The following MIGA1 variants were observed in gnomAD, a reference collection of about 807,000 sequenced individuals.
The protein encoded by MIGA1 is mitoguardin 1.
MIGA1 carries 58 observed loss-of-function variants against 82.0 expected under a neutral mutation model. The ratio of observed to expected loss-of-function variants is 0.71; its 90% CI spans 0.57 to 0.88. The LOEUF (loss-of-function observed/expected upper bound fraction) is 0.88, where lower values mean the gene tolerates loss of function less well. MIGA1 is among the 40% of genes least tolerant of loss of function. The pLI is 0.00. For synonymous variants in MIGA1, 249 were observed against 253.6 expected (o/e 0.98, Z 0.17); for missense variants, 751 against 749.1 (o/e 1.00, Z -0.03).
chr1:77,858,814 C>A, intron 8 of MIGA1, 124 bp from the exon 9 acceptor site: 1 of 606,902 alleles, frequency 1.6e-6, no homozygotes, highest in Non-Finnish European at 3.0e-6. Context: ...GAGACAGGGT[C>A]TTACCATGTT....
rs2101788709 is a variant in MIGA1 at position 77,811,046 on chromosome 1, A to G, written c.638-2688A>G. The G allele has an allele frequency of 5.0e-6, 8 of 1,613,500 alleles. No individual in the cohort carries two copies. In the African/African-American group the frequency reaches 5.3e-5, roughly 11 times the overall value. ...CTGGTAAACCTTTTTTTAGGCTTGTAGGGTTTGAATTCAAAGAAGATAGCT... is the reference window on the plus strand; with the variant it reads ...CTGGTAAACCTTTTTTTAGGCTTGTGGGGTTTGAATTCAAAGAAGATAGCT... On this transcript the variant is annotated intron_variant, in intron 5 of 15. Transcript: ENST00000370791.
At chr1:77,835,718 C>T (rs1444786525) in intron 7 of MIGA1, among the ~76,000 whole-genome samples, 2 of 152,112 alleles carry the variant, frequency 1.3e-5, no homozygotes, top group Admixed American at 6.5e-5. Flanking sequence ...GAGGTCAAGC[C>T]GGGTGGATCA....
intron 15 of MIGA1, among the ~76,000 whole-genome samples, 199 bp downstream of exon 15, chr1:77,873,319 C>T (rs533829943): frequency 6.6e-6 from 1 of 152,100 alleles, no homozygotes; most frequent in Non-Finnish European, 1.5e-5. Context: ...TATAATGGAC[C>T]AGTATTTTAT....
rs1469492405 is a variant in MIGA1 at position 77,855,343 on chromosome 1, CT to C, written c.997-3591del. On this transcript the variant is annotated intron_variant, in intron 8 of 15. Coordinates refer to ENST00000370791, the MANE Select transcript of MIGA1 (RefSeq NM_198549.4). The stretch of plus-strand genomic sequence containing the variant: ...CAGGTCGTGTGATGCCTCCAGAATT[CT>C]TTTCGCTTAGTCTTTCTTTGGCTAT... 3.9e-5 allele frequency among the ~76,000 whole-genome samples: 6 copies of C among 152,146 alleles called. No homozygotes were observed. The East Asian group carries it at 9.7e-4, about 25-fold the overall frequency.
chr1:77,805,143 C>T (rs143107566), intron 4 of MIGA1, among the ~76,000 whole-genome samples: 2,151 of 151,852 alleles, frequency 0.014, 55 homozygotes, highest in African/African-American at 0.048. Context: ...TACAGGCACC[C>T]GCCACCACGC....
chr1:77,827,862 G>T, intron 7 of MIGA1, among the ~76,000 whole-genome samples: 1 of 152,126 alleles, frequency 6.6e-6, no homozygotes, highest in East Asian at 1.9e-4. Context: ...GCTTCTTGGA[G>T]ATTGGAGTGG....
At chr1:77,837,484 T>C (rs1410245478) in intron 7 of MIGA1, among the ~76,000 whole-genome samples, 1 of 152,202 alleles carries the variant, frequency 6.6e-6, no homozygotes, top group African/African-American at 2.4e-5. Flanking sequence ...TTGGCCTCTC[T>C]GTTCCTTAGA....
At chr1:77,843,613 C>T (rs1320203680) in intron 8 of MIGA1, among the ~76,000 whole-genome samples, 1 of 152,152 alleles carries the variant, frequency 6.6e-6, no homozygotes, top group African/African-American at 2.4e-5. Context: ...GACCTGTAAA[C>T]ACATGGTTTA....
intron 7 of MIGA1, among the ~76,000 whole-genome samples, chr1:77,820,726 A>T (rs1401571154): frequency 6.6e-6 from 1 of 152,114 alleles, no homozygotes; most frequent in African/African-American, 2.4e-5. Flanking sequence ...CAGTGATGCT[A>T]TACTTTACTC....
At chr1:77,847,445 C>A (rs1010961412) in intron 8 of MIGA1, 23 of 1,436,174 alleles carry the variant, frequency 1.6e-5, no homozygotes, top group Admixed American at 6.8e-5. Flanking sequence ...CAGTTGAGAT[C>A]AGAAAAAAGG....
At chr1:77,855,987 G>A (rs1314981301) in intron 8 of MIGA1, among the ~76,000 whole-genome samples, 2 of 152,084 alleles carry the variant, frequency 1.3e-5, no homozygotes, top group Non-Finnish European at 2.9e-5. Flanking sequence ...CAGAGGGAAT[G>A]CTTTCAACTT....
chr1:77,794,973 T>C (rs532351087), intron 2 of MIGA1, among the ~76,000 whole-genome samples: 1 of 151,652 alleles, frequency 6.6e-6, no homozygotes, highest in African/African-American at 2.4e-5. Flanking sequence ...AGTTTTTTGT[T>C]TTTTTTTTAA....
chr1:77,823,493 A>G, intron 7 of MIGA1, among the ~76,000 whole-genome samples: 1 of 152,240 alleles, frequency 6.6e-6, no homozygotes, highest in East Asian at 1.9e-4. Flanking sequence ...AAGTAAGTAG[A>G]TTTTCATGAA....
At position 77,875,008 on chromosome 1, in the gene MIGA1, CT is replaced by C; in HGVS notation, c.1844del (p.Leu615GlnfsTer27). 3 of 1,614,144 alleles carry C rather than the reference CT, an allele frequency of 1.9e-6. No homozygotes were observed. Among genetic ancestry groups the C allele is most frequent in the Non-Finnish European group, 2.5e-6 (3 of 1,180,030 alleles). ...TGCCCTGAGGCATACAAGTAGTTGT[CT>C]AAGCAGTCATGGTCATGTTATGTCC... On this transcript the variant is annotated frameshift_variant, in exon 16 of 16. Coordinates refer to ENST00000370791, the MANE Select transcript of MIGA1 (RefSeq NM_198549.4). LOFTEE classifies it high-confidence loss of function.
intron 2 of MIGA1, among the ~76,000 whole-genome samples, chr1:77,799,949 C>G (rs1228175634): frequency 6.6e-6 from 1 of 150,778 alleles, no homozygotes; most frequent in Non-Finnish European, 1.5e-5. Context: ...ATTTGTACTT[C>G]TTTTTCTAGA....
intron 5 of MIGA1, among the ~76,000 whole-genome samples, chr1:77,808,431 T>A (rs912880676): frequency 6.6e-6 from 1 of 152,220 alleles, no homozygotes; most frequent in African/African-American, 2.4e-5. Flanking sequence ...TGTTGACTGT[T>A]ATATAATGAA....
intron 8 of MIGA1, among the ~76,000 whole-genome samples, chr1:77,857,619 G>A (rs369522261): frequency 1.3e-5 from 2 of 151,782 alleles, no homozygotes; most frequent in South Asian, 2.1e-4. Context: ...GTTTGAGGCC[G>A]CAGAGTTATG....
intron 2 of MIGA1, among the ~76,000 whole-genome samples, chr1:77,786,360 G>GAAT (rs1682162185): frequency 6.6e-6 from 1 of 152,154 alleles, no homozygotes; most frequent in African/African-American, 2.4e-5. Flanking sequence ...ATTATCTTGG[G>GAAT]GATTAACATT....
intron 2 of MIGA1, among the ~76,000 whole-genome samples, chr1:77,789,447 C>T (rs1557894270): frequency 4.6e-5 from 7 of 151,842 alleles, no homozygotes; most frequent in Admixed American, 2.0e-4. Flanking sequence ...TGGATTCAAG[C>T]GATCCTCCCG....
Sources: allele counts gnomAD v4.1 joint callset (sites outside exome capture counted in the v4.1 genomes callset), GRCh38; gene constraint gnomAD v4.1.1; transcripts MANE v1.5; gene names NCBI Gene and HGNC (gene_info 2026-07-23, HGNC 2026-07-21).